Variants in ZNF365 observed in about 807,000 individuals in gnomAD.
ZNF365 encodes the protein zinc finger protein 365, also known as protein ZNF365.
A neutral mutation model predicts 35.0 loss-of-function variants in ZNF365; 22 were observed. The observed-to-expected ratio is 0.63, with a 90% CI of 0.45 to 0.90. The LOEUF is 0.90. Ranked by LOEUF, ZNF365 falls within the 40% of genes least tolerant of loss-of-function variation. The pLI is 0.00. For missense variants in ZNF365, 448 were observed against 500.3 expected (o/e 0.90, Z 1.00); for synonymous variants, 188 against 196.2 (o/e 0.96, Z 0.35).
At chr10:62,390,760 A>G (rs10821988) in intron 3 of ZNF365, among the ~76,000 whole-genome samples, 84,177 of 152,074 alleles carry the variant, frequency 0.55, 25,079 homozygotes, top group East Asian at 0.78. Context: ...TATATGGCCT[A>G]TTACTCCCAG....
At chr10:62,413,537 C>T (rs80036630) in intron 3 of ZNF365, among the ~76,000 whole-genome samples, 3,426 of 152,192 alleles carry the variant, frequency 0.023, 60 homozygotes, top group Non-Finnish European at 0.036. Flanking sequence ...AAACTTTTGA[C>T]CCTCTGTCTT....
At chr10:62,419,078 A>G (rs1840125710) in intron 3 of ZNF365, among the ~76,000 whole-genome samples, 2 of 152,226 alleles carry the variant, frequency 1.3e-5, no homozygotes, top group African/African-American at 2.4e-5. Context: ...TCCTCAAACA[A>G]TGTGGTCAAT....
At chr10:62,381,387 G>C (rs749132836) in intron 2 of ZNF365, among the ~76,000 whole-genome samples, 3 of 152,154 alleles carry the variant, frequency 2.0e-5, no homozygotes, top group African/African-American at 7.2e-5. Context: ...CAAGGATAGA[G>C]ATTTAGTAGC....
chr10:62,476,464 A>G (rs2132495712), intron 4 of ZNF365, among the ~76,000 whole-genome samples: 1 of 152,354 alleles, frequency 6.6e-6, no homozygotes, highest in South Asian at 2.1e-4. Context: ...TTTTGGAGGG[A>G]TGAGAAACTT....
At chr10:62,427,610 A>T (rs545464224) in intron 3 of ZNF365, among the ~76,000 whole-genome samples, 131 of 152,322 alleles carry the variant, frequency 8.6e-4, no homozygotes, top group Non-Finnish European at 1.4e-3. Context: ...TCTTTTGCCA[A>T]ATATACCCCT....
At chr10:62,394,400 G>T (rs1014177274) in intron 3 of ZNF365, among the ~76,000 whole-genome samples, 3 of 152,158 alleles carry the variant, frequency 2.0e-5, no homozygotes, top group African/African-American at 7.2e-5. Context: ...AGTAAGTTCT[G>T]CACCCCAGTA....
intron 3 of ZNF365, among the ~76,000 whole-genome samples, chr10:62,448,321 C>T (rs941813735): frequency 6.6e-6 from 1 of 152,106 alleles, no homozygotes; most frequent in African/African-American, 2.4e-5. Flanking sequence ...AGTCCCTTTC[C>T]CACCAGGAAT....
chr10:62,401,798 T>C lies in ZNF365; in HGVS notation c.*2009T>C, dbSNP rs1017707518. The C allele has an allele frequency of 4.1e-6, 4 of 985,428 alleles. No individual in the cohort carries two copies. Among genetic ancestry groups the C allele is most frequent in the East Asian group, 1.1e-4 (1 of 8,972 alleles). 61.0% of individuals were successfully genotyped at this position (985,428 alleles called of 1,614,324 possible). On this transcript the variant is annotated 3_prime_UTR_variant, in exon 5 of 5. Transcript: ENST00000395254. Reference sequence around the variant, plus strand: ...TGACATTTTGGATTTTCATCTAACATAGAGGGCATGGCAACTCTCTTTGAC... The same window carrying C: ...TGACATTTTGGATTTTCATCTAACACAGAGGGCATGGCAACTCTCTTTGAC...
At position 62,400,195 on chromosome 10, in the gene ZNF365, G is replaced by T. The variant is rs1839803247; in HGVS notation, c.*406G>T. ...CACTGCTCTCCAAAGTGCGAGGCAA[G>T]GAATGGCAGTGTAAAGTTCTGTTAA... On this transcript the variant is annotated 3_prime_UTR_variant, in exon 5 of 5. Transcript: ENST00000395254. The T allele has an allele frequency of 4.0e-6, 4 of 1,002,814 alleles. No homozygotes were observed. The highest frequency in any genetic ancestry group is 4.8e-6 in the Non-Finnish European group (4 of 839,898). 62.1% of individuals were successfully genotyped at this position (1,002,814 alleles called of 1,614,324 possible).
At chr10:62,457,290 A>G (rs528218028) in intron 3 of ZNF365, among the ~76,000 whole-genome samples, 2 of 152,352 alleles carry the variant, frequency 1.3e-5, no homozygotes, top group East Asian at 3.9e-4. Context: ...CTCCCATGAA[A>G]GTGAGAAGGA....
chr10:62,429,431 C>T (rs112131109), intron 3 of ZNF365, among the ~76,000 whole-genome samples: 4 of 152,242 alleles, frequency 2.6e-5, no homozygotes, highest in African/African-American at 7.2e-5. Context: ...TTCAGAATTG[C>T]GAAGACTTTA....
chr10:62,448,208 A>G (rs1840621755), intron 3 of ZNF365, among the ~76,000 whole-genome samples: 1 of 152,218 alleles, frequency 6.6e-6, no homozygotes, highest in Non-Finnish European at 1.5e-5. Context: ...TCTTTTTGCT[A>G]TAAAAATTAC....
intron 3 of ZNF365, among the ~76,000 whole-genome samples, chr10:62,445,209 T>C (rs1445598707): frequency 1.1e-3 from 160 of 142,600 alleles, no homozygotes; most frequent in African/African-American, 2.0e-3. Flanking sequence ...AAGTCTTTGC[T>C]ATTGTGAATA....
Position 62,463,243 on chromosome 10 carries a change from G to C in ZNF365, c.981+3446G>C, listed in dbSNP as rs571922631. On this transcript the variant is annotated intron_variant, in intron 4 of 4. Transcript: ENST00000395255. ...GCCTACTTCCCATCCAAGTCATGGT[G>C]CTTAGGGTTCAACTTGAATGGCTAA... 1.4e-4 allele frequency among the ~76,000 whole-genome samples: 22 copies of C among 152,322 alleles called. 1 individual carries two copies. Among genetic ancestry groups the C allele is most frequent in the African/African-American group, 5.3e-4 (22 of 41,570 alleles).
intron 3 of ZNF365, among the ~76,000 whole-genome samples, chr10:62,449,303 G>C (rs1840641036): frequency 6.6e-6 from 1 of 152,180 alleles, no homozygotes; most frequent in African/African-American, 2.4e-5. Flanking sequence ...AATAGAGGTT[G>C]TTTTGGGGGG....
At chr10:62,444,641 G>T (rs755648380) in intron 3 of ZNF365, among the ~76,000 whole-genome samples, 2 of 152,048 alleles carry the variant, frequency 1.3e-5, no homozygotes, top group Non-Finnish European at 2.9e-5. Context: ...ATTCTTTCCT[G>T]CATGGGCCCT....
At chr10:62,427,783 C>T (rs1564585477) in intron 3 of ZNF365, among the ~76,000 whole-genome samples, 1 of 152,138 alleles carries the variant, frequency 6.6e-6, no homozygotes. Context: ...CCTGTGTTAA[C>T]AGGCTTGTAG....
rs1389266683 is a variant in ZNF365, at chr10:62,411,705, G to A, written c.924+23129G>A. Reference sequence around the variant, plus strand: ...GCCATGTAGTACAGTTTGAAGTTGGGTAGCATGGTGACTCCAGCTTTGTTC... The same window carrying A: ...GCCATGTAGTACAGTTTGAAGTTGGATAGCATGGTGACTCCAGCTTTGTTC... On this transcript the variant is annotated intron_variant, in intron 3 of 4. Transcript: ENST00000395255. Among the ~76,000 whole-genome samples, 5 of 152,024 alleles carry A rather than the reference G, an allele frequency of 3.3e-5. No individual in the cohort carries two copies. In the East Asian group the frequency reaches 9.6e-4, roughly 29 times the overall value.
At chr10:62,421,460 C>T (rs4746853) in intron 3 of ZNF365, among the ~76,000 whole-genome samples, 2,459 of 152,116 alleles carry the variant, frequency 0.016, 61 homozygotes, top group East Asian at 0.086. Flanking sequence ...CTCAGTTAAG[C>T]GGGTGGGCTT....
Sources: allele counts gnomAD v4.1 joint callset (sites outside exome capture counted in the v4.1 genomes callset), GRCh38; gene constraint gnomAD v4.1.1; transcripts MANE v1.5; gene names NCBI Gene and HGNC (gene_info 2026-07-23, HGNC 2026-07-21).